Variants in ALMS1 observed in about 807,000 individuals in gnomAD.
ALMS1 encodes ALMS1 centrosome and basal body associated protein.
ALMS1 carries 271 observed loss-of-function variants against 352.2 expected under a neutral mutation model. That is an observed-to-expected ratio of 0.77 (90% confidence interval 0.70 to 0.85). The LOEUF is 0.85. Ranked by LOEUF, ALMS1 falls within the 40% of genes least tolerant of loss-of-function variation. The pLI, the probability that ALMS1 is intolerant of heterozygous loss-of-function variation, is 0.00. For missense variants in ALMS1, 5,445 were observed against 4,870.7 expected (o/e 1.12, Z -3.51); for synonymous variants, 1,865 against 1,761.2 (o/e 1.06, Z -1.48).
chr2:73,518,992 G>A (rs1572990830), intron 10 of ALMS1, among the ~76,000 whole-genome samples: 1 of 152,126 alleles, frequency 6.6e-6, no homozygotes, highest in African/African-American at 2.4e-5. Flanking sequence ...TCGTGAAATT[G>A]CCTGTTTCTG....
chr2:73,386,139 C>G lies in ALMS1; in HGVS notation c.271C>G (p.Leu91Val). 2 of 1,561,470 alleles carry G rather than the reference C, an allele frequency of 1.3e-6. No homozygotes were observed. Among genetic ancestry groups the G allele is most frequent in the Non-Finnish European group, 1.7e-6 (2 of 1,153,514 alleles). Reference protein sequence around the residue: ...QAHPGRILPPLSPPQHRYSEG... With the variant: ...QAHPGRILPPVSPPQHRYSEG... ...GCACCCCGGCAGGATTTTGCCTCCGCTGTCGCCCCCGCAGCACCGCTACTC... is the reference window on the plus strand; with the variant it reads ...GCACCCCGGCAGGATTTTGCCTCCGGTGTCGCCCCCGCAGCACCGCTACTC... Residue 91 changes from leucine (L) to valine (V), a missense_variant, in exon 1 of 23, where the codon CTG (leucine) becomes GTG (valine). By Grantham distance (32) the Leu-to-Val change is conservative (BLOSUM62 1). Coordinates refer to ENST00000613296, the MANE Select transcript of ALMS1 (RefSeq NM_001378454.1).
At chr2:73,442,455 C>T (rs977436735) in intron 7 of ALMS1, among the ~76,000 whole-genome samples, 1 of 152,122 alleles carries the variant, frequency 6.6e-6, no homozygotes, top group African/African-American at 2.4e-5. Flanking sequence ...ATATTGTTCT[C>T]TCTGTTTCTC....
chr2:73,545,698 A>G (rs566584237), intron 12 of ALMS1, among the ~76,000 whole-genome samples: 1 of 152,308 alleles, frequency 6.6e-6, no homozygotes, highest in African/African-American at 2.4e-5. Flanking sequence ...AGCTGTGATA[A>G]ATAATTTTAG....
At chr2:73,506,037 A>T (rs1407829510) in intron 10 of ALMS1, among the ~76,000 whole-genome samples, 2 of 152,156 alleles carry the variant, frequency 1.3e-5, no homozygotes, top group Non-Finnish European at 2.9e-5. Flanking sequence ...AGCACTATTT[A>T]TTAAATAGGG....
intron 1 of ALMS1, among the ~76,000 whole-genome samples, chr2:73,401,862 C>G (rs1670878089): frequency 2.0e-5 from 3 of 152,280 alleles, no homozygotes; most frequent in African/African-American, 2.4e-5. Context: ...TTCCTCACTT[C>G]TACTTCTTTG....
intron 16 of ALMS1, among the ~76,000 whole-genome samples, chr2:73,579,519 C>T (rs1029886794): frequency 2.0e-5 from 3 of 151,878 alleles, no homozygotes; most frequent in African/African-American, 7.3e-5. Flanking sequence ...CACCACCACA[C>T]CCAGCTAATT....
intron 12 of ALMS1, among the ~76,000 whole-genome samples, chr2:73,544,732 A>C (rs961795047): frequency 2.0e-5 from 3 of 152,216 alleles, no homozygotes; most frequent in African/African-American, 4.8e-5. Flanking sequence ...TGAAAGTAGG[A>C]TCTTCAAGAG....
chr2:73,455,042 A>C (rs1672031024), intron 8 of ALMS1, 120 bp from the exon 9 acceptor site: 2 of 1,108,056 alleles, frequency 1.8e-6, no homozygotes, highest in Non-Finnish European at 1.4e-6. Flanking sequence ...ATTGAGAAGA[A>C]GACATACTAA....
In ALMS1 at chr2:73,600,752, A is replaced by G. The variant is rs1426987557; in HGVS notation, c.11743A>G (p.Ser3915Gly). 1 of 1,614,224 alleles carries G rather than the reference A, an allele frequency of 6.2e-7. No homozygotes were observed. The highest frequency in any genetic ancestry group is 1.1e-5 in the South Asian group (1 of 91,076). Residue 3915 changes from serine to glycine, a missense_variant, in exon 18 of 23, where the codon AGC becomes GGC. By Grantham distance (56) the Ser-to-Gly change is moderately conservative (BLOSUM62 0). Coordinates refer to ENST00000613296, the MANE Select transcript of ALMS1 (RefSeq NM_001378454.1). ...VGITFPTPSS[S>G]EAKLEENSDV... The stretch of plus-strand genomic sequence containing the variant: ...GATAACTTTCCCAACTCCAAGTTCC[A>G]GCGAGGCTAAATTGGAAGAGAACAG...
At chr2:73,419,390 A>T in intron 3 of ALMS1, 72 bp downstream of exon 3, 1 of 1,453,820 alleles carries the variant, frequency 6.9e-7, no homozygotes, top group Non-Finnish European at 9.6e-7. Flanking sequence ...CAAGTCTTGT[A>T]ACTTTCCCCT....
chr2:73,553,964 A>G (rs1424913727), intron 13 of ALMS1, among the ~76,000 whole-genome samples: 1 of 152,188 alleles, frequency 6.6e-6, no homozygotes, highest in Non-Finnish European at 1.5e-5. Context: ...GGAAATAAGG[A>G]TATTGATCCT....
chr2:73,598,643 A>G (rs2948441), intron 16 of ALMS1, among the ~76,000 whole-genome samples: 132,185 of 152,120 alleles, frequency 0.87, 57,515 homozygotes, highest in Admixed American at 0.92. Context: ...CCTAACATTT[A>G]TTCAAAATAT....
chr2:73,505,342 C>G (rs1026900965), intron 10 of ALMS1, among the ~76,000 whole-genome samples: 4 of 152,122 alleles, frequency 2.6e-5, no homozygotes, highest in African/African-American at 9.7e-5. Flanking sequence ...CCACCAACAG[C>G]ATAAAAGCAT....
intron 1 of ALMS1, among the ~76,000 whole-genome samples, chr2:73,392,175 C>G (rs1228047539): frequency 6.6e-6 from 1 of 150,962 alleles, no homozygotes; most frequent in Non-Finnish European, 1.5e-5. Context: ...GTTTCTGTTG[C>G]TGTTTATTTT....
intron 7 of ALMS1, among the ~76,000 whole-genome samples, chr2:73,442,213 G>A (rs1671733327): frequency 6.6e-6 from 1 of 152,090 alleles, no homozygotes; most frequent in Non-Finnish European, 1.5e-5. Flanking sequence ...CTGCTGACAT[G>A]ATATTCAAAG....
At position 73,451,900 on chromosome 2, in the gene ALMS1, A is replaced by C. The variant is rs1671949758; in HGVS notation, c.5373A>C (p.Pro1791=). 1 of 1,614,084 alleles carries C rather than the reference A, an allele frequency of 6.2e-7. No individual in the cohort carries two copies. The highest frequency in any genetic ancestry group is 8.5e-7 in the Non-Finnish European group (1 of 1,179,980). ...EALKVSNVPG[P]ADQKTGVSTV... is the part of the protein sequence containing the mutation. ...TGAAAGTTTCAAATGTTCCTGGACC[A>C]GCTGACCAGAAGACTGGGGTATCAA... The change falls in exon 8 of 23, where the codon CCA becomes CCC. Residue 1791 remains proline (P), a synonymous_variant. Transcript: ENST00000613296.
chr2:73,605,137 A>G (rs1190770422), intron 21 of ALMS1, among the ~76,000 whole-genome samples: 2 of 152,218 alleles, frequency 1.3e-5, no homozygotes, highest in Non-Finnish European at 2.9e-5. Flanking sequence ...TGTTTGTAGC[A>G]GACATTTTCT....
At chr2:73,477,752 T>C (rs7590684) in intron 9 of ALMS1, among the ~76,000 whole-genome samples, 1 of 152,124 alleles carries the variant, frequency 6.6e-6, no homozygotes, top group Non-Finnish European at 1.5e-5. Context: ...GAATTTTTTT[T>C]AAAAATTTAT....
At position 73,451,706 on chromosome 2, in the gene ALMS1, C is replaced by G. The variant is rs935844541; in HGVS notation, c.5179C>G (p.Pro1727Ala). 8.7e-6 allele frequency: 14 copies of G among 1,613,916 alleles called. No individual in the cohort carries two copies. The highest frequency in any genetic ancestry group is 1.3e-5 in the African/African-American group (1 of 74,882). The change falls in exon 8 of 23, where the codon CCA (proline) becomes GCA (alanine). Residue 1727 changes from proline to alanine, a missense_variant. By Grantham distance (27) the Pro-to-Ala change is conservative. Transcript: ENST00000613296. ...KPIVFYQQAL[P>A]DSELTQEALK... ...CATTGTCTTCTACCAACAGGCCCTG[C>G]CAGACAGTGAGCTAACTCAAGAAGC...
Sources: allele counts gnomAD v4.1 joint callset (sites outside exome capture counted in the v4.1 genomes callset), GRCh38; gene constraint gnomAD v4.1.1; transcripts MANE v1.5; gene names NCBI Gene and HGNC (gene_info 2026-07-23, HGNC 2026-07-21).